PLD5: variants seen among roughly 807,000 people sequenced by gnomAD.
PLD5 encodes the protein phospholipase D family member 5, also known as inactive phospholipase D5.
Under a neutral mutation model 61.1 loss-of-function variants are expected in PLD5, and 36 were observed. That is an observed-to-expected ratio of 0.59 (90% confidence interval 0.45 to 0.78). The LOEUF (loss-of-function observed/expected upper bound fraction) is 0.78. Among genes scored for constraint, PLD5 ranks in the 30% least tolerant of loss-of-function variants. PLD5 has a pLI of 0.00. For synonymous variants in PLD5, 243 were observed against 242.8 expected (o/e 1.00, Z -0.01); for missense variants, 515 against 644.4 (o/e 0.80, Z 2.17).
At chr1:242,384,545 T>C (rs778692234) in intron 1 of PLD5, among the ~76,000 whole-genome samples, 99 of 152,266 alleles carry the variant, frequency 6.5e-4, no homozygotes, top group Non-Finnish European at 9.4e-4. Flanking sequence ...CTTTGGGATA[T>C]GCCTTCCAAG....
chr1:242,363,370 A>G (rs1661174885), intron 1 of PLD5, among the ~76,000 whole-genome samples: 1 of 151,344 alleles, frequency 6.6e-6, no homozygotes, highest in Non-Finnish European at 1.5e-5. Flanking sequence ...AAAATCATAA[A>G]AAGCTAGCAT....
At chr1:242,242,448 A>G (rs1425682235) in intron 4 of PLD5, among the ~76,000 whole-genome samples, 1 of 152,188 alleles carries the variant, frequency 6.6e-6, no homozygotes, top group Non-Finnish European at 1.5e-5. Flanking sequence ...GCATTTTTAA[A>G]TGTAATTTAA....
chr1:242,196,540 C>A (rs944367831), intron 5 of PLD5, among the ~76,000 whole-genome samples: 4 of 152,124 alleles, frequency 2.6e-5, no homozygotes, highest in Admixed American at 6.5e-5. Context: ...CACACACACA[C>A]AAAATGTATA....
chr1:242,497,059 A>G lies in PLD5; in HGVS notation c.189+27029T>C, dbSNP rs148861845. On this transcript the variant is annotated intron_variant, in intron 1 of 9. Transcript: ENST00000536534. Reference sequence around the variant, plus strand: ...TGGAAGGGGTCCCAGGAGACCGGAGACCTCATACAAATCCAGGAGCTGCCT... The same window carrying G: ...TGGAAGGGGTCCCAGGAGACCGGAGGCCTCATACAAATCCAGGAGCTGCCT... Among the ~76,000 whole-genome samples, 7 of 152,262 alleles carry G rather than the reference A, an allele frequency of 4.6e-5. No individual in the cohort carries two copies. In the East Asian group the frequency reaches 1.2e-3, roughly 25 times the overall value.
intron 5 of PLD5, among the ~76,000 whole-genome samples, chr1:242,182,147 C>T (rs1234612228): frequency 6.6e-6 from 1 of 152,152 alleles, no homozygotes; most frequent in East Asian, 1.9e-4. Flanking sequence ...CTGACATCTG[C>T]CTCTCCTCTC....
At chr1:242,253,008 G>A (rs36066811) in intron 4 of PLD5, among the ~76,000 whole-genome samples, 5,816 of 151,432 alleles carry the variant, frequency 0.038, 155 homozygotes, top group Non-Finnish European at 0.06. Flanking sequence ...GTAGAGACAC[G>A]GTTTTACCAT....
intron 1 of PLD5, among the ~76,000 whole-genome samples, chr1:242,405,813 G>A (rs1664206387): frequency 6.6e-6 from 1 of 152,018 alleles, no homozygotes; most frequent in South Asian, 2.1e-4. Context: ...TGTTGGTCAA[G>A]CTGGGCTCAA....
At chr1:242,206,178 C>A (rs1558341575) in intron 5 of PLD5, among the ~76,000 whole-genome samples, 1 of 152,252 alleles carries the variant, frequency 6.6e-6, no homozygotes. Context: ...CAGCTGTCCA[C>A]TGAACCTCAG....
chr1:242,235,078 T>C (rs1339550311), intron 4 of PLD5, among the ~76,000 whole-genome samples: 1 of 152,204 alleles, frequency 6.6e-6, no homozygotes, highest in Non-Finnish European at 1.5e-5. Flanking sequence ...AGCACCTGCG[T>C]GACAAAAGTG....
intron 2 of PLD5, among the ~76,000 whole-genome samples, chr1:242,344,942 T>C (rs1660044374): frequency 6.6e-6 from 1 of 152,166 alleles, no homozygotes; most frequent in Admixed American, 6.5e-5. Context: ...TACATGGCAG[T>C]GGCAAGAGAA....
chr1:242,188,006 G>A (rs1398619827), intron 5 of PLD5, among the ~76,000 whole-genome samples: 1 of 152,136 alleles, frequency 6.6e-6, no homozygotes, highest in Non-Finnish European at 1.5e-5. Context: ...GAACCTGAAT[G>A]TGTGTGTGGA....
intron 1 of PLD5, among the ~76,000 whole-genome samples, chr1:242,435,153 G>T (rs1346762937): frequency 6.6e-6 from 1 of 151,984 alleles, no homozygotes; most frequent in African/African-American, 2.4e-5. Context: ...TCAATCCAAA[G>T]TATTCATGGA....
At chr1:242,526,232 A>C (rs1393531840), upstream of PLD5, among the ~76,000 whole-genome samples, 2 of 152,022 alleles carry the variant, frequency 1.3e-5, no homozygotes, top group African/African-American at 4.8e-5. Flanking sequence ...TAAAAATAAA[A>C]TAAATTAGCC....
At chr1:242,327,271 T>C (rs917187802) in intron 2 of PLD5, among the ~76,000 whole-genome samples, 1 of 152,188 alleles carries the variant, frequency 6.6e-6, no homozygotes, top group Non-Finnish European at 1.5e-5. Flanking sequence ...CTTCCCAAAG[T>C]GCTGGGCTTG....
chr1:242,398,597 GA>G (rs1663739867), intron 1 of PLD5, among the ~76,000 whole-genome samples: 1 of 152,126 alleles, frequency 6.6e-6, no homozygotes, highest in Non-Finnish European at 1.5e-5. Flanking sequence ...CGGTTTAGTG[GA>G]AAAAAACAGA....
intron 5 of PLD5, among the ~76,000 whole-genome samples, chr1:242,194,665 TCTAC>T (rs1186304124): frequency 1.0e-3 from 155 of 148,474 alleles, no homozygotes; most frequent in African/African-American, 3.8e-3. Context: ...TATCTATCTA[TCTAC>T]CTATCTATGA....
intron 1 of PLD5, among the ~76,000 whole-genome samples, chr1:242,392,862 AGAG>A (rs1347830104): frequency 1.3e-5 from 2 of 152,176 alleles, no homozygotes; most frequent in African/African-American, 4.8e-5. Context: ...CCACTCGATT[AGAG>A]GATTATAATG....
intron 4 of PLD5, among the ~76,000 whole-genome samples, chr1:242,236,707 C>T (rs535453366): frequency 2.6e-5 from 4 of 152,170 alleles, no homozygotes; most frequent in Non-Finnish European, 5.9e-5. Flanking sequence ...CACAAAGATA[C>T]AATACCCTGG....
chr1:242,138,861 G>T (rs933126209), intron 5 of PLD5, among the ~76,000 whole-genome samples: 17 of 152,304 alleles, frequency 1.1e-4, no homozygotes, highest in African/African-American at 4.1e-4. Context: ...CTACCTGCCA[G>T]GATTAAACCT....
Sources: gnomAD v4.1 joint callset for allele counts (sites outside exome capture counted in the v4.1 genomes callset) on GRCh38, gnomAD v4.1.1 for gene constraint, MANE v1.5 for transcripts, NCBI Gene and HGNC (gene_info 2026-07-23, HGNC 2026-07-21) for gene names.